MNAT1: variants seen among roughly 807,000 people sequenced by gnomAD.
MNAT1 encodes the protein CDK-activating kinase assembly factor MAT1.
Under a neutral mutation model 42.0 loss-of-function variants are expected in MNAT1, and 43 were observed. That is an observed-to-expected ratio of 1.02 (90% CI 0.80 to 1.32). The LOEUF is 1.32. MNAT1 is among the 40% of genes most tolerant of loss of function. MNAT1 has a pLI of 0.00. For missense variants in MNAT1, 306 were observed against 350.4 expected, an observed-to-expected ratio of 0.87 and a Z score of 1.01; for synonymous variants, 118 against 120.0, an observed-to-expected ratio of 0.98 and a Z score of 0.11.
At chr14:60,963,084 C>T (rs183782331) in intron 7 of MNAT1, among the ~76,000 whole-genome samples, 6 of 152,204 alleles carry the variant, frequency 3.9e-5, no homozygotes, top group South Asian at 2.1e-4. Context: ...CGGGTTCAAG[C>T]GATTCTCCTG....
chr14:60,748,651 T>A (rs1276879250), intron 1 of MNAT1, among the ~76,000 whole-genome samples: 1 of 152,298 alleles, frequency 6.6e-6, no homozygotes, highest in East Asian at 1.9e-4. Context: ...CTGTCTCCCC[T>A]CTCCACGTTT....
chr14:60,745,793 A>T (rs1594717601), intron 1 of MNAT1, among the ~76,000 whole-genome samples: 1 of 152,202 alleles, frequency 6.6e-6, no homozygotes, highest in Admixed American at 6.5e-5. Flanking sequence ...TTTGTTGTAT[A>T]GTTCTGATTA....
At chr14:60,893,900 AT>A (rs2034895716) in intron 7 of MNAT1, among the ~76,000 whole-genome samples, 1 of 152,120 alleles carries the variant, frequency 6.6e-6, no homozygotes, top group Non-Finnish European at 1.5e-5. Context: ...AACGTTAGTC[AT>A]AGGAGGACCT....
intron 7 of MNAT1, among the ~76,000 whole-genome samples, chr14:60,966,233 T>A (rs1271101303): frequency 6.6e-6 from 1 of 151,720 alleles, no homozygotes; most frequent in African/African-American, 2.4e-5. Context: ...CTGAAGTGAT[T>A]CTCTTGCCTC....
chr14:60,943,825 G>C (rs191963063), intron 7 of MNAT1, among the ~76,000 whole-genome samples: 14 of 152,188 alleles, frequency 9.2e-5, no homozygotes, highest in African/African-American at 3.1e-4. Context: ...TTTAAAACAA[G>C]GTTAACTCCA....
intron 7 of MNAT1, among the ~76,000 whole-genome samples, chr14:60,890,800 A>G (rs2034824425): frequency 6.6e-6 from 1 of 152,168 alleles, no homozygotes; most frequent in Non-Finnish European, 1.5e-5. Flanking sequence ...CTGGCAGCTG[A>G]TTAGGTGGTG....
intron 1 of MNAT1, among the ~76,000 whole-genome samples, chr14:60,781,961 G>T (rs1365101243): frequency 1.4e-5 from 2 of 143,520 alleles, no homozygotes; most frequent in African/African-American, 5.1e-5. Context: ...GTTTGTGTGT[G>T]TGTGTGTGTG....
At chr14:60,843,097 G>A (rs1460755144) in intron 6 of MNAT1, among the ~76,000 whole-genome samples, 1 of 152,176 alleles carries the variant, frequency 6.6e-6, no homozygotes, top group Non-Finnish European at 1.5e-5. Flanking sequence ...TAGTAAAGCA[G>A]CTGGCTGGGC....
chr14:60,905,111 A>G (rs1363120152), intron 7 of MNAT1, among the ~76,000 whole-genome samples: 1 of 151,770 alleles, frequency 6.6e-6, no homozygotes, highest in Non-Finnish European at 1.5e-5. Context: ...ATAGTTATGA[A>G]GTGCCTACTG....
chr14:60,753,227 G>C (rs534074180), intron 1 of MNAT1, among the ~76,000 whole-genome samples: 1 of 152,314 alleles, frequency 6.6e-6, no homozygotes, highest in East Asian at 1.9e-4. Flanking sequence ...TCAAGTTTCA[G>C]CTGGGGCTCT....
intron 7 of MNAT1, among the ~76,000 whole-genome samples, chr14:60,931,907 T>C (rs1322641888): frequency 6.6e-6 from 1 of 152,040 alleles, no homozygotes; most frequent in Non-Finnish European, 1.5e-5. Flanking sequence ...ATACTGAGCC[T>C]ACTTTTTAAA....
At chr14:60,824,731 T>A (rs2139373340) in intron 6 of MNAT1, among the ~76,000 whole-genome samples, 1 of 152,316 alleles carries the variant, frequency 6.6e-6, no homozygotes, top group East Asian at 1.9e-4. Context: ...ATACATAAAA[T>A]GCTAAAGCTG....
chr14:60,734,817 C>A lies in MNAT1; in HGVS notation c.-46C>A. 3 of 1,593,610 alleles carry A rather than the reference C, an allele frequency of 1.9e-6. No homozygotes were observed. The highest frequency in any genetic ancestry group is 2.6e-6 in the Non-Finnish European group (3 of 1,161,620). Reference sequence around the variant, plus strand: ...CGTCTGAGGGGGCTTGTAGGTGGCTCTGGCTGAAACAGGCGCCTGCGAGAG... The same window carrying A: ...CGTCTGAGGGGGCTTGTAGGTGGCTATGGCTGAAACAGGCGCCTGCGAGAG... On this transcript the variant is annotated 5_prime_UTR_variant, in exon 1 of 8. It adds an upstream start codon to the 5' untranslated region. Transcript: ENST00000261245. The surrounding 1 kb of genome is among the most constrained non-coding windows in gnomAD (Gnocchi z 4.3).
intron 1 of MNAT1, among the ~76,000 whole-genome samples, chr14:60,779,696 G>A (rs1350551841): frequency 2.0e-5 from 3 of 151,872 alleles, no homozygotes; most frequent in Non-Finnish European, 2.9e-5. Context: ...TGAGGCAGGG[G>A]AATCGCTTGA....
At chr14:60,867,379 T>C (rs934018575) in intron 6 of MNAT1, among the ~76,000 whole-genome samples, 2 of 152,032 alleles carry the variant, frequency 1.3e-5, no homozygotes, top group Non-Finnish European at 2.9e-5. Context: ...AGACAAAGAG[T>C]GCTCTTAAAG....
chr14:60,821,714 T>G (rs1471782168), intron 6 of MNAT1, among the ~76,000 whole-genome samples: 2 of 152,210 alleles, frequency 1.3e-5, no homozygotes, highest in African/African-American at 2.4e-5. Context: ...AGCTCCTGCC[T>G]TGTATTGCAA....
rs532772388 is a variant in MNAT1 at position 60,798,713 on chromosome 14, A to C, written c.316+553A>C. On this transcript the variant is annotated intron_variant, in intron 3 of 7. Coordinates refer to ENST00000261245, the MANE Select transcript of MNAT1 (RefSeq NM_002431.4). ...AGTCAAAAGGAAGATTTTATCAAGA[A>C]AAAATGATTTCAGTTTTCTTAAATA... Among the ~76,000 whole-genome samples the C allele has an allele frequency of 9.2e-5, 14 of 152,274 alleles. No homozygotes were observed. The East Asian group carries it at 2.1e-3, about 23-fold the overall frequency.
chr14:60,820,983 G>A (rs938943659), intron 6 of MNAT1, among the ~76,000 whole-genome samples: 3 of 152,116 alleles, frequency 2.0e-5, no homozygotes, highest in Admixed American at 6.5e-5. Flanking sequence ...GAGCAGTAAA[G>A]AAGGCCTAAG....
At chr14:60,949,420 A>G (rs2036340727) in intron 7 of MNAT1, among the ~76,000 whole-genome samples, 1 of 152,194 alleles carries the variant, frequency 6.6e-6, no homozygotes, top group Non-Finnish European at 1.5e-5. Flanking sequence ...TACATTTTTA[A>G]CGATAAAGCA....
Sources: allele counts gnomAD v4.1 joint callset (sites outside exome capture counted in the v4.1 genomes callset), GRCh38; gene constraint gnomAD v4.1.1; non-coding constraint Gnocchi (gnomAD v3.1); transcripts MANE v1.5; gene names NCBI Gene and HGNC (gene_info 2026-07-23, HGNC 2026-07-21).